The following CADPS2 variants were observed in gnomAD, a reference collection of about 807,000 sequenced individuals.
CADPS2 encodes calcium dependent secretion activator 2, also known as calcium-dependent secretion activator 2.
CADPS2 carries 93 observed loss-of-function variants against 172.5 expected under a neutral mutation model. The ratio of observed to expected loss-of-function variants is 0.54; its 90% confidence interval spans 0.46 to 0.64. The LOEUF (loss-of-function observed/expected upper bound fraction) is 0.64, where lower values mean the gene tolerates loss of function less well. Among genes scored for constraint, CADPS2 ranks in the 30% least tolerant of loss-of-function variants. The probability of loss-of-function intolerance (pLI) is 0.00; values close to 1 mark genes in which losing one functional copy is unlikely to be tolerated. For synonymous variants in CADPS2, 546 were observed against 555.2 expected, an observed-to-expected ratio of 0.98 and a Z score of 0.23; for missense variants, 1,420 against 1,565.9, an observed-to-expected ratio of 0.91 and a Z score of 1.57.
Position 122,333,444 on chromosome 7 carries a change from G to A in CADPS2, c.3613-7863C>T, listed in dbSNP as rs796703341. On this transcript the variant is annotated intron_variant, in intron 28 of 29. Coordinates refer to ENST00000449022, the MANE Select transcript of CADPS2 (RefSeq NM_017954.11). Reference sequence around the variant, plus strand: ...GCTACCTTTCTGTCTCTGAGTCACGGTGCAGTCCCCCAGGAACCTTTTTCA... The same window carrying A: ...GCTACCTTTCTGTCTCTGAGTCACGATGCAGTCCCCCAGGAACCTTTTTCA... Among the ~76,000 whole-genome samples the A allele has an allele frequency of 2.0e-5, 3 of 152,120 alleles. No individual in the cohort carries two copies. In the South Asian group the frequency reaches 6.2e-4, roughly 31 times the overall value.
At position 122,319,973 on chromosome 7, in the gene CADPS2, A is replaced by T. The variant is rs578165914; in HGVS notation, c.*192T>A. The T allele has an allele frequency of 1.0e-5, 5 of 489,690 alleles. No individual in the cohort carries two copies. The South Asian group carries it at 3.6e-4, about 36-fold the overall frequency. The allele number at this position is 489,690 out of a possible 1,614,324, so 30.3% of individuals were successfully genotyped here. A position where few individuals can be genotyped will look rare whatever the true frequency, so the allele number is the denominator to read the frequency against. On this transcript the variant is annotated 3_prime_UTR_variant, in exon 30 of 30. Transcript: ENST00000449022. Reference sequence around the variant, plus strand: ...AAAAAACAAACAAACAAACAAACAAAAAAAGGAAACAAAAAAACCCCAAAA... The same window carrying T: ...AAAAAACAAACAAACAAACAAACAATAAAAGGAAACAAAAAAACCCCAAAA...
At chr7:122,353,884 T>C (rs1282756040) in intron 27 of CADPS2, among the ~76,000 whole-genome samples, 2 of 152,206 alleles carry the variant, frequency 1.3e-5, no homozygotes, top group Non-Finnish European at 2.9e-5. Flanking sequence ...CCTATCTTCT[T>C]GACTGATACA....
intron 5 of CADPS2, among the ~76,000 whole-genome samples, chr7:122,616,744 T>C (rs972910734): frequency 8.5e-5 from 13 of 152,106 alleles, no homozygotes; most frequent in Admixed American, 2.6e-4. Flanking sequence ...TGGGATGAAA[T>C]ACTAAATCTT....
intron 6 of CADPS2, among the ~76,000 whole-genome samples, chr7:122,584,044 T>G (rs2132966605): frequency 6.6e-6 from 1 of 151,836 alleles, no homozygotes; most frequent in African/African-American, 2.4e-5. Context: ...AGTAGGCTAA[T>G]ACTTTATTTA....
intron 1 of CADPS2, among the ~76,000 whole-genome samples, chr7:122,845,253 T>C (rs1239818562): frequency 5.3e-5 from 8 of 152,316 alleles, no homozygotes; most frequent in Middle Eastern, 3.4e-3. Context: ...TTGTGTGTGC[T>C]AAGATGTGAC....
intron 7 of CADPS2, among the ~76,000 whole-genome samples, chr7:122,570,593 T>C (rs1008556968): frequency 1.3e-5 from 2 of 149,010 alleles, no homozygotes; most frequent in East Asian, 1.9e-4. Context: ...TGTATGTTTA[T>C]TGTGGCACTA....
At chr7:122,482,673 C>T (rs1192759206) in intron 11 of CADPS2, among the ~76,000 whole-genome samples, 1 of 152,174 alleles carries the variant, frequency 6.6e-6, no homozygotes, top group African/African-American at 2.4e-5. Flanking sequence ...CTCCAGGTTA[C>T]TGCCAGGAGA....
In CADPS2 at chr7:122,786,146, C is replaced by A. The variant is rs75997753; in HGVS notation, c.340-49078G>T. The stretch of plus-strand genomic sequence containing the variant: ...CATATAACTTCTAGAAGGGATAACA[C>A]GGACTTTTATTTTCTTATTTCTGGT... On this transcript the variant is annotated intron_variant, in intron 1 of 29. Transcript: ENST00000449022. Among the ~76,000 whole-genome samples, 719 of 152,250 alleles carry A rather than the reference C, an allele frequency of 4.7e-3. 2 individuals are homozygous for A. The highest frequency in any genetic ancestry group is 7.9e-3 in the Non-Finnish European group (540 of 68,012).
chr7:122,755,983 T>C (rs1050435865), intron 1 of CADPS2, among the ~76,000 whole-genome samples: 9 of 152,200 alleles, frequency 5.9e-5, no homozygotes, highest in African/African-American at 1.9e-4. Context: ...TTTTCAGCTT[T>C]TATGTGAAAA....
At chr7:122,555,934 C>T (rs374135705) in intron 7 of CADPS2, among the ~76,000 whole-genome samples, 3 of 152,064 alleles carry the variant, frequency 2.0e-5, no homozygotes, top group African/African-American at 7.2e-5. Context: ...GACTCCCCTT[C>T]TCTCTAGGAA....
intron 1 of CADPS2, among the ~76,000 whole-genome samples, chr7:122,816,977 A>C (rs1801626474): frequency 7.0e-6 from 1 of 143,022 alleles, no homozygotes; most frequent in African/African-American, 2.6e-5. Flanking sequence ...ACACCTTGCG[A>C]CCCCCACTCC....
chr7:122,391,457 C>T (rs961287514), intron 22 of CADPS2, among the ~76,000 whole-genome samples: 3 of 151,956 alleles, frequency 2.0e-5, no homozygotes, highest in Admixed American at 2.0e-4. Flanking sequence ...TGGCTAAAAT[C>T]AAGCGTTAAA....
chr7:122,663,563 GA>G lies in CADPS2; in HGVS notation c.459del (p.Leu154Ter), dbSNP rs1564000531. ...CNAVRSYYEVFLKSDRVARMV... is the reference protein window; with the variant it reads ...CNAVRSYYEVXLKSDRVARMV... ...ATTCTGGCCACTCGGTCACTCTTTA[GA>G]AAAACCTGAAAACAAAACAAAACAA... is the stretch of plus-strand genomic sequence containing the variant. On this transcript the variant is annotated frameshift_variant, in exon 3 of 30. Coordinates refer to ENST00000449022, the MANE Select transcript of CADPS2 (RefSeq NM_017954.11). LOFTEE classifies it high-confidence loss of function. 2 of 1,561,098 alleles carry G rather than the reference GA, an allele frequency of 1.3e-6. No individual in the cohort carries two copies.
At chr7:122,878,822 T>C (rs1822060000) in intron 1 of CADPS2, among the ~76,000 whole-genome samples, 1 of 152,182 alleles carries the variant, frequency 6.6e-6, no homozygotes, top group South Asian at 2.1e-4. Flanking sequence ...TTTCTTACTA[T>C]ATCCTCGGAA....
intron 15 of CADPS2, among the ~76,000 whole-genome samples, chr7:122,442,431 G>A (rs1355452376): frequency 6.6e-6 from 1 of 152,158 alleles, no homozygotes; most frequent in Non-Finnish European, 1.5e-5. Context: ...AGGCAGCTGG[G>A]CTGTACTTAG....
At position 122,503,135 on chromosome 7, in the gene CADPS2, G is replaced by A. The variant is rs1341129603; in HGVS notation, c.1542+10114C>T. On this transcript the variant is annotated intron_variant, in intron 9 of 29. Transcript: ENST00000449022. Reference sequence around the variant, plus strand: ...TAACCTCTGCCTCCTGGGTTCAAGCGATTCTCCTGCCTCAGTCTCAGGAGT... The same window carrying A: ...TAACCTCTGCCTCCTGGGTTCAAGCAATTCTCCTGCCTCAGTCTCAGGAGT... 6.5e-5 allele frequency among the ~76,000 whole-genome samples: 9 copies of A among 138,052 alleles called. No individual in the cohort carries two copies. The South Asian group carries it at 1.6e-3, about 25-fold the overall frequency. 90.6% of individuals were successfully genotyped at this position (138,052 alleles called of 152,430 possible).
chr7:122,330,502 T>C (rs1033961219), intron 28 of CADPS2, among the ~76,000 whole-genome samples: 7 of 152,164 alleles, frequency 4.6e-5, no homozygotes, highest in African/African-American at 1.4e-4. Context: ...TCAAGGTTTT[T>C]CTACCCTGTT....
rs545865917 is a variant in CADPS2, at chr7:122,871,456, A to T, written c.339+14543T>A. The stretch of plus-strand genomic sequence containing the variant: ...CATGCATATGTACATTTATATTTAT[A>T]CAGTATTCCCCCCCACAAAAAAAAA... On this transcript the variant is annotated intron_variant, in intron 1 of 29. Transcript: ENST00000449022. 3.6e-4 allele frequency among the ~76,000 whole-genome samples: 55 copies of T among 151,840 alleles called. 1 individual carries two copies. The highest frequency in any genetic ancestry group is 1.3e-4 in the Non-Finnish European group (9 of 67,892).
intron 6 of CADPS2, among the ~76,000 whole-genome samples, chr7:122,610,139 T>C (rs1291545141): frequency 6.9e-6 from 1 of 144,656 alleles, no homozygotes; most frequent in Non-Finnish European, 1.5e-5. Flanking sequence ...AATTTCCTTA[T>C]AGAAAGAGTA....
Sources: allele counts gnomAD v4.1 joint callset (sites outside exome capture counted in the v4.1 genomes callset), GRCh38; gene constraint gnomAD v4.1.1; transcripts MANE v1.5; gene names NCBI Gene and HGNC (gene_info 2026-07-23, HGNC 2026-07-21).